The following OR3A2 variants were observed in gnomAD, a reference collection of about 807,000 sequenced individuals.
The protein encoded by OR3A2 is olfactory receptor 3A2.
For missense variants in OR3A2, 318 were observed against 392.8 expected (o/e 0.81, Z 1.61); for synonymous variants, 126 against 159.3 (o/e 0.79, Z 1.57).
intron 2 of OR3A2, among the ~76,000 whole-genome samples, chr17:3,340,521 A>C (rs935111546): frequency 3.3e-5 from 5 of 152,148 alleles, no homozygotes; most frequent in African/African-American, 1.2e-4. Context: ...TCATTTCATG[A>C]TTTATCCAGT....
chr17:3,319,485 CA>C (rs1378929527), intron 3 of OR3A2, among the ~76,000 whole-genome samples: 1 of 152,064 alleles, frequency 6.6e-6, no homozygotes, highest in African/African-American at 2.4e-5. Flanking sequence ...ATTAACTCGT[CA>C]TTTAGCATTA....
rs190322674 is a variant in OR3A2 at position 3,292,560 on chromosome 17, T to C, written c.-84-13407A>G. On this transcript the variant is annotated intron_variant, in intron 3 of 4. Coordinates refer to the OR3A2 transcript ENST00000573491. ...GATGAACTCAGCAATGACTGTTCCA[T>C]TGGCCCCAGATTCTGGCTGCATGAG... The C allele has an allele frequency of 4.1e-5, 66 of 1,610,712 alleles. No homozygotes were observed. In the South Asian group the frequency reaches 4.4e-4, roughly 11 times the overall value.
chr17:3,301,102 T>G (rs1450618365), intron 3 of OR3A2, among the ~76,000 whole-genome samples: 4 of 152,200 alleles, frequency 2.6e-5, no homozygotes. Flanking sequence ...TGATGGACAT[T>G]TGGGTTGGTT....
intron 3 of OR3A2, among the ~76,000 whole-genome samples, chr17:3,334,892 T>A (rs1211861058): frequency 6.6e-6 from 1 of 152,206 alleles, no homozygotes; most frequent in Non-Finnish European, 1.5e-5. Context: ...TATTTTAATA[T>A]GAGATGAATA....
At chr17:3,345,733 A>T (rs117552528) in intron 2 of OR3A2, among the ~76,000 whole-genome samples, 1 of 152,200 alleles carries the variant, frequency 6.6e-6, no homozygotes, top group Non-Finnish European at 1.5e-5. Context: ...AAGTTTTAAC[A>T]TCTGAAGAAT....
At chr17:3,338,843 T>C (rs1272608919) in intron 2 of OR3A2, among the ~76,000 whole-genome samples, 3 of 152,234 alleles carry the variant, frequency 2.0e-5, no homozygotes, top group South Asian at 2.1e-4. Flanking sequence ...ATTGAATCTG[T>C]AGATTACCTT....
At chr17:3,333,855 T>C (rs1313029684) in intron 3 of OR3A2, among the ~76,000 whole-genome samples, 1 of 151,916 alleles carries the variant, frequency 6.6e-6, no homozygotes, top group Non-Finnish European at 1.5e-5. Flanking sequence ...AGTCTATCCA[T>C]CTGAAAAAGG....
intron 3 of OR3A2, among the ~76,000 whole-genome samples, chr17:3,333,069 G>C (rs2049252137): frequency 6.6e-6 from 1 of 152,184 alleles, no homozygotes; most frequent in Non-Finnish European, 1.5e-5. Flanking sequence ...AAATGGACGT[G>C]CAAGTAGGAG....
chr17:3,384,653 G>A (rs554445217), intron 1 of OR3A2, among the ~76,000 whole-genome samples: 2 of 152,018 alleles, frequency 1.3e-5, no homozygotes, highest in Admixed American at 1.3e-4. Context: ...ACTGTTTGGG[G>A]GCAGAAGCTA....
intron 2 of OR3A2, among the ~76,000 whole-genome samples, chr17:3,365,177 C>A (rs2049552118): frequency 6.6e-6 from 1 of 152,094 alleles, no homozygotes; most frequent in Non-Finnish European, 1.5e-5. Context: ...AAACAATTCA[C>A]TCTACAAAAA....
intron 2 of OR3A2, among the ~76,000 whole-genome samples, chr17:3,360,127 A>G (rs79104842): frequency 6.6e-6 from 1 of 151,932 alleles, no homozygotes; most frequent in South Asian, 2.1e-4. Context: ...CTGGTGTGAC[A>G]TGATATCTCA....
rs188023218 is a variant in OR3A2 at position 3,318,608 on chromosome 17, G to C, written c.-85+17425C>G. On this transcript the variant is annotated intron_variant, in intron 3 of 4. Coordinates refer to the OR3A2 transcript ENST00000573491. ...CAGCCTGCTTACTTTTTAGTTCCACGTGAATAAATGCATCTGCTTCAGTGT... is the reference window on the plus strand; with the variant it reads ...CAGCCTGCTTACTTTTTAGTTCCACCTGAATAAATGCATCTGCTTCAGTGT... Among the ~76,000 whole-genome samples, 49 of 152,234 alleles carry C rather than the reference G, an allele frequency of 3.2e-4. No homozygotes were observed. The East Asian group carries it at 7.7e-3, about 24-fold the overall frequency.
intron 3 of OR3A2, among the ~76,000 whole-genome samples, chr17:3,300,333 G>C (rs2048952896): frequency 6.6e-6 from 1 of 152,062 alleles, no homozygotes; most frequent in African/African-American, 2.4e-5. Context: ...CCAAGGTGGG[G>C]GGATCACCTG....
chr17:3,300,615 C>T (rs2048955388), intron 3 of OR3A2, among the ~76,000 whole-genome samples: 2 of 151,980 alleles, frequency 1.3e-5, no homozygotes, highest in Admixed American at 1.3e-4. Context: ...CACTATTTTA[C>T]ATGTACTATT....
chr17:3,352,393 G>A (rs188945647), intron 2 of OR3A2, among the ~76,000 whole-genome samples: 2 of 151,788 alleles, frequency 1.3e-5, no homozygotes, highest in Admixed American at 6.6e-5. Context: ...TGAGGTCTTC[G>A]ATTTAAGTCT....
intron 3 of OR3A2, among the ~76,000 whole-genome samples, chr17:3,332,036 G>T (rs1328597348): frequency 6.7e-6 from 1 of 149,392 alleles, no homozygotes; most frequent in East Asian, 1.9e-4. Flanking sequence ...CGGGGGTCAG[G>T]GGTCAGGGAC....
chr17:3,288,770 C>A (rs1380455048), upstream of OR3A2, among the ~76,000 whole-genome samples: 3 of 152,156 alleles, frequency 2.0e-5, no homozygotes, highest in African/African-American at 7.2e-5. Context: ...TAAACTTTAA[C>A]TTTGCATTTG....
chr17:3,365,485 A>G (rs2049554744), intron 2 of OR3A2, among the ~76,000 whole-genome samples: 1 of 152,178 alleles, frequency 6.6e-6, no homozygotes, highest in South Asian at 2.1e-4. Flanking sequence ...CAGCTGGGAT[A>G]ATGGAGGCTA....
chr17:3,359,323 A>T (rs756733497), intron 2 of OR3A2, among the ~76,000 whole-genome samples: 6 of 151,604 alleles, frequency 4.0e-5, no homozygotes, highest in Non-Finnish European at 5.9e-5. Flanking sequence ...TTGTGCTGTT[A>T]GCTGGTTATT....
Sources: gnomAD v4.1 joint callset for allele counts (sites outside exome capture counted in the v4.1 genomes callset) on GRCh38, gnomAD v4.1.1 for gene constraint, MANE v1.5 for transcripts, NCBI Gene and HGNC (gene_info 2026-07-23, HGNC 2026-07-21) for gene names.